Variants in FASTKD1 observed in about 807,000 individuals in gnomAD.
FASTKD1 encodes FAST kinase domains 1, also known as FAST kinase domain-containing protein 1, mitochondrial.
Under a neutral mutation model 90.9 loss-of-function variants are expected in FASTKD1, and 94 were observed. The observed-to-expected ratio is 1.03, with a 90% CI of 0.88 to 1.23. FASTKD1 has a LOEUF of 1.23. Among genes scored for constraint, FASTKD1 ranks in the 50% most tolerant of loss-of-function variants. The probability of loss-of-function intolerance (pLI) is 0.00; values close to 1 mark genes in which losing one functional copy is unlikely to be tolerated. For missense variants in FASTKD1, 945 were observed against 993.5 expected, an observed-to-expected ratio of 0.95 and a Z score of 0.66; for synonymous variants, 319 against 345.8, an observed-to-expected ratio of 0.92 and a Z score of 0.86.
chr2:169,558,232 A>G (rs1043476997), intron 5 of FASTKD1, among the ~76,000 whole-genome samples: 4 of 152,138 alleles, frequency 2.6e-5, no homozygotes, highest in African/African-American at 9.7e-5. Context: ...GTGACAAAAA[A>G]CGGTTCCAAT....
chr2:169,531,426 C>G lies in FASTKD1; in HGVS notation c.2253G>C (p.Leu751Phe). 6.2e-7 allele frequency: 1 copy of G among 1,612,530 alleles called. No homozygotes were observed. Among genetic ancestry groups the G allele is most frequent in the South Asian group, 1.1e-5 (1 of 91,004 alleles). Residue 751 changes from leucine to phenylalanine, a missense_variant, in exon 13 of 15, where the codon TTG (leucine) becomes TTC (phenylalanine). Transcript: ENST00000453153. ...PLPYGSHNIALGQLPEMPWES... is the reference protein window; with the variant it reads ...PLPYGSHNIAFGQLPEMPWES... Reference sequence around the variant, plus strand: ...CCCAGGGCATTTCTGGTAGTTGTCCCAATGCTATATTATGGCTTCCATACG... The same window carrying G: ...CCCAGGGCATTTCTGGTAGTTGTCCGAATGCTATATTATGGCTTCCATACG...
At chr2:169,538,196 C>T in intron 10 of FASTKD1, 55 bp from the exon 11 acceptor site, 4 of 1,494,338 alleles carry the variant, frequency 2.7e-6, no homozygotes, top group Non-Finnish European at 3.6e-6. Context: ...GGAAAGACAA[C>T]CCATTTTTTT....
intron 3 of FASTKD1, among the ~76,000 whole-genome samples, chr2:169,565,057 C>G (rs942785494): frequency 6.8e-6 from 1 of 146,972 alleles, no homozygotes; most frequent in Non-Finnish European, 1.5e-5. Flanking sequence ...CAGGTTCAAA[C>G]AATTCTCCTG....
chr2:169,537,877 A>T, intron 11 of FASTKD1, 136 bp downstream of exon 11: 1 of 661,016 alleles, frequency 1.5e-6, no homozygotes, highest in Non-Finnish European at 2.5e-6. Flanking sequence ...ACAATATCTC[A>T]TATAAAATAT....
chr2:169,538,364 A>G (rs1207933801), intron 10 of FASTKD1, among the ~76,000 whole-genome samples: 1 of 152,138 alleles, frequency 6.6e-6, no homozygotes, highest in East Asian at 1.9e-4. Flanking sequence ...ATTAATCATG[A>G]ACGTTAAAAG....
At chr2:169,557,449 C>A in intron 5 of FASTKD1, 152 bp from the exon 6 acceptor site, 2 of 461,924 alleles carry the variant, frequency 4.3e-6, no homozygotes, top group East Asian at 4.0e-5. Flanking sequence ...CCACATTACT[C>A]GAATATAAAA....
intron 5 of FASTKD1, 88 bp from the exon 6 acceptor site, chr2:169,557,385 A>AT: frequency 1.8e-6 from 1 of 563,802 alleles, no homozygotes; most frequent in Non-Finnish European, 2.9e-6. Flanking sequence ...GGTAACAAAT[A>AT]GGAAAAAAAA....
Position 169,554,534 on chromosome 2 carries a change from TGTGCCTGTA to T in FASTKD1, c.1214+581_1214+589del, listed in dbSNP as rs1295895701. On this transcript the variant is annotated intron_variant, in intron 7 of 14. Coordinates refer to ENST00000453153, the MANE Select transcript of FASTKD1 (RefSeq NM_024622.6). Reference sequence around the variant, plus strand: ...CAAAAATTAACAGGGTGTGGTGGTATGTGCCTGTATTCCCAGCTACTCGGGAGGCTGAGG... The same window carrying T: ...CAAAAATTAACAGGGTGTGGTGGTATTTCCCAGCTACTCGGGAGGCTGAGG... 6.1e-3 allele frequency among the ~76,000 whole-genome samples: 694 copies of T among 114,324 alleles called. 54 individuals carry two copies. Among genetic ancestry groups the T allele is most frequent in the Non-Finnish European group, 9.5e-3 (443 of 46,802 alleles). The allele number at this position is 114,324 out of a possible 152,430, so 75.0% of individuals were successfully genotyped here.
At chr2:169,566,080 T>A (rs1683965240) in intron 3 of FASTKD1, among the ~76,000 whole-genome samples, 1 of 152,198 alleles carries the variant, frequency 6.6e-6, no homozygotes, top group Non-Finnish European at 1.5e-5. Context: ...TGGTTATTAA[T>A]CCCTTGTCAG....
chr2:169,536,107 T>G (rs1684712770), intron 12 of FASTKD1, among the ~76,000 whole-genome samples: 2 of 152,164 alleles, frequency 1.3e-5, no homozygotes, highest in Non-Finnish European at 2.9e-5. Flanking sequence ...AGACCCTGTC[T>G]CTATAAAAAA....
At position 169,540,054 on chromosome 2, in the gene FASTKD1, C is replaced by G. The variant is rs1224460829; in HGVS notation, c.1942G>C (p.Glu648Gln). Residue 648 changes from glutamate to glutamine, a missense_variant, in exon 10 of 15, where the codon GAA becomes CAA. Transcript: ENST00000453153. ...KFLARLDSQLEILSPSRSARV... is the reference protein window; with the variant it reads ...KFLARLDSQLQILSPSRSARV... ...AAATTAAAAGATAGATACATACTTT[C>G]AAGTTGAGAATCCAATCTAGCTAAG... 1.3e-6 allele frequency: 2 copies of G among 1,564,254 alleles called. No homozygotes were observed. Among genetic ancestry groups the G allele is most frequent in the East Asian group, 4.5e-5 (2 of 44,424 alleles).
In FASTKD1 at chr2:169,528,775, C is replaced by T. The variant is rs1428618700; in HGVS notation, c.*1050G>A. Among the ~76,000 whole-genome samples, 4 of 152,118 alleles carry T rather than the reference C, an allele frequency of 2.6e-5. No homozygotes were observed. The highest frequency in any genetic ancestry group is 9.7e-5 in the African/African-American group (4 of 41,428). On this transcript the variant is annotated 3_prime_UTR_variant, in exon 15 of 15. Transcript: ENST00000453153. The stretch of plus-strand genomic sequence containing the variant: ...TAGCCATTTCCCATTTGTCATCTTT[C>T]CTGACCTATCAGCAGCATCTGATAC...
At position 169,529,527 on chromosome 2, in the gene FASTKD1, G is replaced by A. The variant is rs532813349; in HGVS notation, c.*298C>T. On this transcript the variant is annotated 3_prime_UTR_variant, in exon 15 of 15. Transcript: ENST00000453153. ...ATCTCAACAAGGTAGCCAAAGTAAC[G>A]CAGTTAAAATGTGAATTCATATCAT... Among the ~76,000 whole-genome samples the A allele has an allele frequency of 2.6e-5, 4 of 152,204 alleles. No homozygotes were observed. The highest frequency in any genetic ancestry group is 3.9e-4 in the East Asian group (2 of 5,186).
rs1217825654 is a variant in FASTKD1, at chr2:169,562,096, AAAAT to A, written c.572+1125_572+1128del. Reference sequence around the variant, plus strand: ...AAATAATTATTTATTAATTTATTGTAAAATAATTATTTATTAATTTATTGTAAAT... The same window carrying A: ...AAATAATTATTTATTAATTTATTGTAAATTATTTATTAATTTATTGTAAAT... On this transcript the variant is annotated intron_variant, in intron 4 of 14. Coordinates refer to ENST00000453153, the MANE Select transcript of FASTKD1 (RefSeq NM_024622.6). Among the ~76,000 whole-genome samples the A allele has an allele frequency of 2.3e-4, 29 of 128,176 alleles. 1 individual carries two copies. Among genetic ancestry groups the A allele is most frequent in the Non-Finnish European group, 3.3e-4 (20 of 60,330 alleles). The allele number at this position is 128,176 out of a possible 152,430, so 84.1% of individuals were successfully genotyped here. A position where few individuals can be genotyped will look rare whatever the true frequency, so the allele number is the denominator to read the frequency against.
At chr2:169,562,005 A>G (rs962527300) in intron 4 of FASTKD1, among the ~76,000 whole-genome samples, 10 of 102,384 alleles carry the variant, frequency 9.8e-5, no homozygotes, top group Non-Finnish European at 1.2e-4. Context: ...TTAATTATTC[A>G]TTAATTTATT....
intron 14 of FASTKD1, among the ~76,000 whole-genome samples, chr2:169,530,309 A>G (rs955017976): frequency 2.2e-4 from 34 of 152,040 alleles, no homozygotes; most frequent in Non-Finnish European, 4.0e-4. Context: ...TTATTTATTT[A>G]TTTTTATGAG....
Position 169,563,351 on chromosome 2 carries a change from C to G in FASTKD1, c.447-1G>C, listed in dbSNP as rs757005974. The G allele has an allele frequency of 6.3e-7, 1 of 1,584,452 alleles. No individual in the cohort carries two copies. Among genetic ancestry groups the G allele is most frequent in the Non-Finnish European group, 8.6e-7 (1 of 1,156,456 alleles). The stretch of plus-strand genomic sequence containing the variant: ...TTCTGAGAGCAGTTTAATATCAAAC[C>G]TATTAAAGGAAATATACAAAGGAGA... On this transcript the variant is annotated splice_acceptor_variant, in intron 3 of 14. Coordinates refer to ENST00000453153, the MANE Select transcript of FASTKD1 (RefSeq NM_024622.6). LOFTEE classifies it high-confidence loss of function.
In FASTKD1 at chr2:169,540,038, G is replaced by A. The variant is rs1451843000; in HGVS notation, c.1945+13C>T. On this transcript the variant is annotated intron_variant, in intron 10 of 14. Transcript: ENST00000453153. ...CAACAGATAATTAAATAAATTAAAA[G>A]ATAGATACATACTTTCAAGTTGAGA... The A allele has an allele frequency of 6.7e-7, 1 of 1,486,458 alleles. No individual in the cohort carries two copies. The highest frequency in any genetic ancestry group is 9.3e-7 in the Non-Finnish European group (1 of 1,080,932). The allele number at this position is 1,486,458 out of a possible 1,614,324, so 92.1% of individuals were successfully genotyped here. A position where few individuals can be genotyped will look rare whatever the true frequency, so the allele number is the denominator to read the frequency against.
At chr2:169,557,129 A>G in intron 6 of FASTKD1, 58 bp downstream of exon 6, 1 of 1,137,358 alleles carries the variant, frequency 8.8e-7, no homozygotes, top group Non-Finnish European at 1.3e-6. Context: ...TTCCTTAGAA[A>G]AAAATAGGTG....
Sources: allele counts gnomAD v4.1 joint callset (sites outside exome capture counted in the v4.1 genomes callset), GRCh38; gene constraint gnomAD v4.1.1; transcripts MANE v1.5; gene names NCBI Gene and HGNC (gene_info 2026-07-23, HGNC 2026-07-21).